AVL9: variants seen among roughly 807,000 people sequenced by gnomAD.
The protein encoded by AVL9 is late secretory pathway protein AVL9 homolog.
A neutral mutation model predicts 79.2 loss-of-function variants in AVL9; 49 were observed. The observed-to-expected ratio is 0.62, with a 90% CI of 0.49 to 0.79. The LOEUF is 0.79. AVL9 is among the 30% of genes least tolerant of loss of function. The pLI is 0.00. For missense variants in AVL9, 682 were observed against 776.8 expected, an observed-to-expected ratio of 0.88 and a Z score of 1.45; for synonymous variants, 299 against 280.6, an observed-to-expected ratio of 1.07 and a Z score of -0.65.
chr7:32,517,280 C>G (rs556337383), intron 1 of AVL9, among the ~76,000 whole-genome samples: 248 of 151,592 alleles, frequency 1.6e-3, no homozygotes, highest in Admixed American at 2.4e-3. Context: ...GTTCACGTGA[C>G]AGTAAAATCT....
intron 1 of AVL9, among the ~76,000 whole-genome samples, chr7:32,508,223 A>G (rs10268803): frequency 0.15 from 22,726 of 152,144 alleles, 1,718 homozygotes; most frequent in East Asian, 0.19. Flanking sequence ...AATGTGGTCA[A>G]CTATATTAGT....
chr7:32,514,217 A>T (rs1787811857), intron 1 of AVL9, among the ~76,000 whole-genome samples: 1 of 152,034 alleles, frequency 6.6e-6, no homozygotes, highest in Non-Finnish European at 1.5e-5. Context: ...TTCCCTTCCC[A>T]CGAGGCCATA....
chr7:32,567,078 C>A (rs1372326266), intron 10 of AVL9, among the ~76,000 whole-genome samples: 1 of 152,064 alleles, frequency 6.6e-6, no homozygotes, highest in Non-Finnish European at 1.5e-5. Context: ...ATTTATAATT[C>A]TCTTAAGTTT....
chr7:32,580,405 C>A, intron 14 of AVL9, 133 bp downstream of exon 14: 1 of 691,980 alleles, frequency 1.4e-6, no homozygotes, highest in Non-Finnish European at 2.5e-6. Context: ...ATGTGCATAA[C>A]ATTCTTTAGC....
chr7:32,573,434 G>T lies in AVL9; in HGVS notation c.1570+16G>T. ...CTGCAATTAGGTAAGAAACCACACG[G>T]AGCCTACAGCTACCTGTTTTATTAT... On this transcript the variant is annotated intron_variant, in intron 12 of 15. Transcript: ENST00000318709. 6.3e-7 allele frequency: 1 copy of T among 1,596,108 alleles called. No homozygotes were observed. Among genetic ancestry groups the T allele is most frequent in the African/African-American group, 1.3e-5 (1 of 74,714 alleles).
chr7:32,573,393 C>T lies in AVL9; in HGVS notation c.1545C>T (p.Ala515=), dbSNP rs747593564. ...IRAQFAVYIH[A]LLAATLQLDN... ...CCCAGTTTGCGGTCTACATTCATGC[C>T]CTGCTGGCTGCCACACTGCAATTAG... The change falls in exon 12 of 16, where the codon GCC becomes GCT. Residue 515 remains alanine, a synonymous_variant. Transcript: ENST00000318709. The T allele has an allele frequency of 1.9e-6, 3 of 1,613,362 alleles. No individual in the cohort carries two copies. Among genetic ancestry groups the T allele is most frequent in the South Asian group, 1.1e-5 (1 of 91,062 alleles).
intron 1 of AVL9, among the ~76,000 whole-genome samples, chr7:32,516,109 T>G (rs1787892563): frequency 6.6e-6 from 1 of 152,184 alleles, no homozygotes; most frequent in Admixed American, 6.5e-5. Context: ...CATGGGCAGA[T>G]TCTTCTTAGG....
At chr7:32,576,802 G>A (rs919297228) in intron 13 of AVL9, among the ~76,000 whole-genome samples, 8 of 151,780 alleles carry the variant, frequency 5.3e-5, no homozygotes, top group African/African-American at 1.9e-4. Context: ...AAAAAAAAAA[G>A]TTAATATTTG....
chr7:32,515,300 A>G (rs12386615), intron 1 of AVL9, among the ~76,000 whole-genome samples: 1 of 152,262 alleles, frequency 6.6e-6, no homozygotes, highest in East Asian at 1.9e-4. Flanking sequence ...CTCTGAGTAT[A>G]GGTGGCCTCA....
intron 1 of AVL9, among the ~76,000 whole-genome samples, chr7:32,500,224 A>C (rs189329793): frequency 2.0e-5 from 3 of 152,292 alleles, no homozygotes; most frequent in Admixed American, 2.0e-4. Context: ...GTGTAAAAGC[A>C]TTCCTATTTC....
chr7:32,572,801 C>CAAAAAAAAAAAAAAAAAAAAAAAA (rs3080635), intron 11 of AVL9, among the ~76,000 whole-genome samples: 2 of 93,472 alleles, frequency 2.1e-5, no homozygotes, highest in African/African-American at 1.0e-4. Context: ...GACTCCGTCT[C>CAAAAAAAAAAAAAAAAAAAAAAAA]AAAAAAAAAA....
At chr7:32,548,216 C>G (rs547117486) in intron 3 of AVL9, among the ~76,000 whole-genome samples, 3 of 140,820 alleles carry the variant, frequency 2.1e-5, no homozygotes, top group South Asian at 4.4e-4. Flanking sequence ...GGCGTGATCT[C>G]AGCTCACTGC....
chr7:32,571,008 T>TC (rs1263484553), intron 11 of AVL9, among the ~76,000 whole-genome samples: 1 of 142,332 alleles, frequency 7.0e-6, no homozygotes, highest in African/African-American at 2.6e-5. Context: ...GGTGGGTAGA[T>TC]CACCTGAGGT....
intron 1 of AVL9, among the ~76,000 whole-genome samples, chr7:32,520,374 A>G (rs1337008412): frequency 6.6e-6 from 1 of 152,214 alleles, no homozygotes. Context: ...CTACTGAATG[A>G]AAGAGCTTGT....
rs183688141 is a variant in AVL9 at position 32,503,301 on chromosome 7, C to T, written c.93+7499C>T. Among the ~76,000 whole-genome samples, 792 of 146,792 alleles carry T rather than the reference C, an allele frequency of 5.4e-3. 5 individuals are homozygous for T. The highest frequency in any genetic ancestry group is 0.018 in the African/African-American group (730 of 39,470). ...GCCCAGCCTGGCCAACATGGTGAAACCCCCATCTCTACTAAAAGATATATA... is the reference window on the plus strand; with the variant it reads ...GCCCAGCCTGGCCAACATGGTGAAATCCCCATCTCTACTAAAAGATATATA... On this transcript the variant is annotated intron_variant, in intron 1 of 15. Coordinates refer to ENST00000318709, the MANE Select transcript of AVL9 (RefSeq NM_015060.3).
intron 2 of AVL9, among the ~76,000 whole-genome samples, chr7:32,543,580 C>A (rs1702780186): frequency 6.6e-6 from 1 of 152,208 alleles, no homozygotes; most frequent in Non-Finnish European, 1.5e-5. Context: ...CTTACCAGCA[C>A]CAGCTGTACA....
rs1787944087 is a variant in AVL9, at chr7:32,517,289, C to A, written c.93+21487C>A. On this transcript the variant is annotated intron_variant, in intron 1 of 15. Transcript: ENST00000318709. ...TTTCAAGTTCACGTGACAGTAAAAT[C>A]TTTTTTTCTTTTTCTTTTTCTTTTT... Among the ~76,000 whole-genome samples the A allele has an allele frequency of 2.0e-5, 3 of 150,744 alleles. No homozygotes were observed. The South Asian group carries it at 6.3e-4, about 31-fold the overall frequency.
intron 1 of AVL9, among the ~76,000 whole-genome samples, chr7:32,508,424 TTTA>T (rs1482650940): frequency 7.4e-6 from 1 of 134,932 alleles, no homozygotes; most frequent in Admixed American, 7.5e-5. Context: ...TAAAACTAAT[TTTA>T]ATATTGTGTT....
intron 6 of AVL9, among the ~76,000 whole-genome samples, chr7:32,552,945 A>G (rs975540381): frequency 3.3e-5 from 5 of 152,142 alleles, no homozygotes; most frequent in Admixed American, 2.6e-4. Flanking sequence ...TTTAATTTAT[A>G]CTATCTTGAC....
Sources: gnomAD v4.1 joint callset for allele counts (sites outside exome capture counted in the v4.1 genomes callset) on GRCh38, gnomAD v4.1.1 for gene constraint, MANE v1.5 for transcripts, NCBI Gene and HGNC (gene_info 2026-07-23, HGNC 2026-07-21) for gene names.